LYPD1: variants seen among roughly 807,000 people sequenced by gnomAD.
LYPD1 encodes the protein ly6/PLAUR domain-containing protein 1.
A neutral mutation model predicts 14.2 loss-of-function variants in LYPD1; 14 were observed. That is an observed-to-expected ratio of 0.99 (90% confidence interval 0.65 to 1.54). The LOEUF (loss-of-function observed/expected upper bound fraction) is 1.54. LYPD1 is among the 40% of genes most tolerant of loss of function. The pLI is 0.00. For missense variants in LYPD1, 165 were observed against 175.7 expected (o/e 0.94, Z 0.34); for synonymous variants, 85 against 70.6 (o/e 1.20, Z -1.02).
At chr2:132,668,045 A>T (rs1462598605) in intron 2 of LYPD1, among the ~76,000 whole-genome samples, 1 of 152,232 alleles carries the variant, frequency 6.6e-6, no homozygotes, top group African/African-American at 2.4e-5. Context: ...CAGGCTGACA[A>T]TGCTCACAGG....
chr2:132,643,588 A>G lies in LYPD1; in HGVS notation c.*2457T>C, dbSNP rs1272680988. The stretch of plus-strand genomic sequence containing the variant: ...GAGTGCAGTGGCACATTCGTGTCTC[A>G]CTGTAGCCTTCACCTCCTGGGCTCA... On this transcript the variant is annotated 3_prime_UTR_variant, in exon 3 of 3. Coordinates refer to ENST00000397463, the MANE Select transcript of LYPD1 (RefSeq NM_144586.7). Among the ~76,000 whole-genome samples, 2 of 152,146 alleles carry G rather than the reference A, an allele frequency of 1.3e-5. No homozygotes were observed. The highest frequency in any genetic ancestry group is 2.9e-5 in the Non-Finnish European group (2 of 68,018).
intron 2 of LYPD1, among the ~76,000 whole-genome samples, chr2:132,662,563 TAGGAAGGAAGGA>T (rs888288970): frequency 6.7e-5 from 8 of 119,110 alleles, no homozygotes; most frequent in South Asian, 2.5e-4. Flanking sequence ...GTTGGTCAAT[TAGGAAGGAAGGA>T]AGGAAGGTAG....
chr2:132,655,514 A>ATTTTTTTTTTTTTTTTTTTTTTTTTT (rs1180944589), intron 2 of LYPD1, among the ~76,000 whole-genome samples: 1 of 99,494 alleles, frequency 1.0e-5, no homozygotes, highest in Non-Finnish European at 1.8e-5. Flanking sequence ...GTTGAGAAGC[A>ATTTTTTTTTTTTTTTTTTTTTTTTTT]TTTTTTTTTT....
chr2:132,670,031 C>T lies in LYPD1; in HGVS notation c.-99G>A, dbSNP rs114525740. On this transcript the variant is annotated 5_prime_UTR_variant, in exon 1 of 3. Transcript: ENST00000397463. The surrounding 1 kb of genome is among the most constrained non-coding windows in gnomAD (Gnocchi z 4.5). ...GCAGCGGCTGTGGCTGCCGAGGCTG[C>T]TGGGGCCCGCGCTGCTGCCGCGGAG... The T allele has an allele frequency of 7.6e-3, 11,804 of 1,557,926 alleles. 798 individuals carry two copies. In the African/African-American group the frequency reaches 0.14, roughly 19 times the overall value.
chr2:132,645,244 T>C lies in LYPD1; in HGVS notation c.*801A>G. 6.2e-7 allele frequency: 1 copy of C among 1,614,192 alleles called. No homozygotes were observed. Among genetic ancestry groups the C allele is most frequent in the Non-Finnish European group, 8.5e-7 (1 of 1,180,032 alleles). Reference sequence around the variant, plus strand: ...CCTCCCCTTCTCGGAGACGTTTTTCTACCTCAGCTCGGTCATCAACCCGCT... The same window carrying C: ...CCTCCCCTTCTCGGAGACGTTTTTCCACCTCAGCTCGGTCATCAACCCGCT... On this transcript the variant is annotated 3_prime_UTR_variant, in exon 3 of 3. Coordinates refer to ENST00000397463, the MANE Select transcript of LYPD1 (RefSeq NM_144586.7).
At chr2:132,649,926 AC>A (rs1463880792) in intron 2 of LYPD1, among the ~76,000 whole-genome samples, 1 of 152,140 alleles carries the variant, frequency 6.6e-6, no homozygotes, top group African/African-American at 2.4e-5. Flanking sequence ...ATGACATAAC[AC>A]CCAGAAGCCA....
chr2:132,652,935 C>T (rs1682413089), intron 2 of LYPD1, among the ~76,000 whole-genome samples: 1 of 152,148 alleles, frequency 6.6e-6, no homozygotes, highest in Admixed American at 6.5e-5. Flanking sequence ...AAAGGATAAA[C>T]AAAATACTGA....
intron 2 of LYPD1, among the ~76,000 whole-genome samples, chr2:132,662,515 C>T (rs1683010712): frequency 7.8e-6 from 1 of 128,704 alleles, no homozygotes; most frequent in Non-Finnish European, 1.5e-5. Context: ...GCACAGTGTG[C>T]TAATAAACCT....
intron 2 of LYPD1, among the ~76,000 whole-genome samples, chr2:132,656,605 G>A (rs1049700147): frequency 9.9e-5 from 15 of 152,190 alleles, no homozygotes; most frequent in Admixed American, 5.2e-4. Flanking sequence ...GAAAGTAGAG[G>A]CTTCTCTATA....
At chr2:132,648,404 C>T (rs1049733875) in intron 2 of LYPD1, among the ~76,000 whole-genome samples, 9 of 152,248 alleles carry the variant, frequency 5.9e-5, no homozygotes, top group African/African-American at 2.2e-4. Context: ...ATCAGTGTGG[C>T]ATGCCTTCTT....
intron 2 of LYPD1, among the ~76,000 whole-genome samples, chr2:132,659,149 C>T (rs1426786346): frequency 6.6e-6 from 1 of 152,198 alleles, no homozygotes; most frequent in Non-Finnish European, 1.5e-5. Context: ...AAGGTATATT[C>T]AACTTGTCTT....
intron 2 of LYPD1, among the ~76,000 whole-genome samples, chr2:132,667,876 C>T (rs1573761706): frequency 2.6e-5 from 4 of 152,296 alleles, no homozygotes; most frequent in Admixed American, 2.6e-4. Flanking sequence ...AACGGCATTC[C>T]TTTGAAAGAT....
intron 2 of LYPD1, among the ~76,000 whole-genome samples, chr2:132,650,453 T>A (rs7565263): frequency 6.6e-6 from 1 of 152,086 alleles, no homozygotes; most frequent in African/African-American, 2.4e-5. Context: ...GCAATTCCAC[T>A]TTTACGCATG....
rs1232367907 is a variant in LYPD1, at chr2:132,660,901, A to G, written c.190+7499T>C. ...TTGTAGACGACCAAATCATGCCAGC[A>G]TCTGATCTCTTTAACCAAAACCTTT... is the stretch of plus-strand genomic sequence containing the variant. On this transcript the variant is annotated intron_variant, in intron 2 of 2. Transcript: ENST00000397463. Among the ~76,000 whole-genome samples, 4 of 151,908 alleles carry G rather than the reference A, an allele frequency of 2.6e-5. No individual in the cohort carries two copies. The East Asian group carries it at 7.7e-4, about 29-fold the overall frequency.
rs2104934630 is a variant in LYPD1 at position 132,670,200 on chromosome 2, T to C, written c.-268A>G. The C allele has an allele frequency of 3.5e-6, 4 of 1,139,850 alleles. No individual in the cohort carries two copies. Among genetic ancestry groups the C allele is most frequent in the Non-Finnish European group, 4.6e-6 (4 of 874,720 alleles). 70.6% of individuals were successfully genotyped at this position (1,139,850 alleles called of 1,614,324 possible). ...CGCCTCCGGAGTTGGCGGCTGAGAC[T>C]GAAGGAACTACTGGCGATCGGGAGC... On this transcript the variant is annotated 5_prime_UTR_variant, in exon 1 of 3. Coordinates refer to ENST00000397463, the MANE Select transcript of LYPD1 (RefSeq NM_144586.7). This position sits in a 1 kb window ranked among gnomAD's most constrained non-coding sequence, Gnocchi z 4.5.
rs1683414018 is a variant in LYPD1, at chr2:132,668,431, C to T, written c.159G>A (p.Met53Ile). 11 of 1,608,444 alleles carry T rather than the reference C, an allele frequency of 6.8e-6. No homozygotes were observed. Among genetic ancestry groups the T allele is most frequent in the Non-Finnish European group, 8.5e-6 (10 of 1,177,530 alleles). Residue 53 changes from methionine to isoleucine, a missense_variant, in exon 2 of 3, where the codon ATG becomes ATA. Met to Ile is a conservative substitution (Grantham distance 10, BLOSUM62 1). Transcript: ENST00000397463. ...TTTGCTCCATCACTTCTTTCTGACA[C>T]ATGTCTTGAACGTTCACCGTGCAAT... ...IVNCTVNVQD[M>I]CQKEVMEQSA...
At chr2:132,665,562 C>T (rs140419937) in intron 2 of LYPD1, among the ~76,000 whole-genome samples, 26 of 152,244 alleles carry the variant, frequency 1.7e-4, no homozygotes, top group South Asian at 2.1e-4. Flanking sequence ...GGATATTTTA[C>T]GACATGCTGG....
chr2:132,646,999 A>ATGTG (rs759208338), intron 2 of LYPD1, among the ~76,000 whole-genome samples: 2 of 152,236 alleles, frequency 1.3e-5, no homozygotes, highest in Non-Finnish European at 2.9e-5. Context: ...CTCAAAGAGC[A>ATGTG]TGTGTGTCCT....
Position 132,645,410 on chromosome 2 carries a change from A to G in LYPD1, c.*635T>C, listed in dbSNP as rs1019463190. The stretch of plus-strand genomic sequence containing the variant: ...ACCACCGACAGCGCCCGCTTTGTGC[A>G]GCGCCCGTTGCTCTTCGCGTCCCGG... On this transcript the variant is annotated 3_prime_UTR_variant, in exon 3 of 3. Coordinates refer to ENST00000397463, the MANE Select transcript of LYPD1 (RefSeq NM_144586.7). 1.2e-6 allele frequency: 2 copies of G among 1,613,490 alleles called. No homozygotes were observed. Among genetic ancestry groups the G allele is most frequent in the African/African-American group, 1.3e-5 (1 of 74,934 alleles).
Sources: gnomAD v4.1 joint callset for allele counts (sites outside exome capture counted in the v4.1 genomes callset) on GRCh38, gnomAD v4.1.1 for gene constraint, Gnocchi (gnomAD v3.1) non-coding constraint, MANE v1.5 for transcripts, NCBI Gene and HGNC (gene_info 2026-07-23, HGNC 2026-07-21) for gene names.